Variants in TNFRSF19 observed in about 807,000 individuals in gnomAD.
TNFRSF19 encodes the protein TNF receptor superfamily member 19.
A neutral mutation model predicts 46.4 loss-of-function variants in TNFRSF19; 27 were observed. The ratio of observed to expected loss-of-function variants is 0.58; its 90% CI spans 0.43 to 0.80. The LOEUF (loss-of-function observed/expected upper bound fraction) is 0.80. Ranked by LOEUF, TNFRSF19 falls within the 30% of genes least tolerant of loss-of-function variation. The pLI is 0.00. For synonymous variants in TNFRSF19, 204 were observed against 205.0 expected, an observed-to-expected ratio of 1.00 and a Z score of 0.04; for missense variants, 511 against 530.8, an observed-to-expected ratio of 0.96 and a Z score of 0.37.
intron 3 of TNFRSF19, among the ~76,000 whole-genome samples, chr13:23,610,783 A>G (rs1323119543): frequency 2.6e-5 from 4 of 152,094 alleles, no homozygotes; most frequent in Non-Finnish European, 5.9e-5. Flanking sequence ...ATATGATTTT[A>G]GGAAGTAAGT....
chr13:23,605,207 A>G (rs1181494848), intron 3 of TNFRSF19, among the ~76,000 whole-genome samples: 1 of 152,250 alleles, frequency 6.6e-6, no homozygotes, highest in Non-Finnish European at 1.5e-5. Flanking sequence ...GCATATGAAA[A>G]GATCCTCCAT....
intron 7 of TNFRSF19, among the ~76,000 whole-genome samples, chr13:23,666,856 C>T (rs1459567875): frequency 6.6e-6 from 1 of 152,044 alleles, no homozygotes; most frequent in Non-Finnish European, 1.5e-5. Flanking sequence ...CACGGGCTTG[C>T]AATTGCATCT....
In TNFRSF19 at chr13:23,624,753, C is replaced by CT. The variant is rs1005209921; in HGVS notation, c.360-1940dup. 2.4e-3 allele frequency among the ~76,000 whole-genome samples: 348 copies of CT among 144,720 alleles called. 1 individual carries two copies. The highest frequency in any genetic ancestry group is 4.1e-3 in the African/African-American group (161 of 39,726). The allele number at this position is 144,720 out of a possible 152,430, so 94.9% of individuals were successfully genotyped here. A position where few individuals can be genotyped will look rare whatever the true frequency, so the allele number is the denominator to read the frequency against. On this transcript the variant is annotated intron_variant, in intron 4 of 9. Coordinates refer to ENST00000248484, the MANE Select transcript of TNFRSF19 (RefSeq NM_148957.4). ...TTTCATTGCAAATATATACACATAA[C>CT]TTTTTTTTTTTTTTGAGGTGGAGTT...
intron 5 of TNFRSF19, among the ~76,000 whole-genome samples, chr13:23,651,059 C>G (rs1048297578): frequency 2.6e-5 from 4 of 152,154 alleles, no homozygotes; most frequent in Admixed American, 6.5e-5. Flanking sequence ...CAAGATAAAG[C>G]TTACACTTCA....
intron 9 of TNFRSF19, among the ~76,000 whole-genome samples, chr13:23,671,177 C>G (rs948984863): frequency 6.6e-6 from 1 of 152,064 alleles, no homozygotes; most frequent in Non-Finnish European, 1.5e-5. Context: ...CTTACTAACT[C>G]TTTTTCAAAG....
At chr13:23,589,534 C>T (rs958632296) in intron 1 of TNFRSF19, among the ~76,000 whole-genome samples, 2 of 152,136 alleles carry the variant, frequency 1.3e-5, no homozygotes, top group African/African-American at 2.4e-5. Context: ...TCTGTCAGGG[C>T]GTATGTGACA....
intron 3 of TNFRSF19, among the ~76,000 whole-genome samples, chr13:23,614,595 G>A (rs1881131569): frequency 6.6e-6 from 1 of 152,102 alleles, no homozygotes; most frequent in African/African-American, 2.4e-5. Flanking sequence ...GGCATGCCCA[G>A]CCTGCTGCCT....
intron 5 of TNFRSF19, among the ~76,000 whole-genome samples, chr13:23,653,724 AGGT>A (rs1883796125): frequency 6.6e-6 from 1 of 152,186 alleles, no homozygotes. Context: ...ATCCATGTGG[AGGT>A]GCCAAGTAGG....
At chr13:23,595,074 AG>A (rs1352585931) in intron 3 of TNFRSF19, among the ~76,000 whole-genome samples, 3 of 152,054 alleles carry the variant, frequency 2.0e-5, no homozygotes, top group Non-Finnish European at 4.4e-5. Flanking sequence ...ATCAACAAAA[AG>A]GGCATCTACA....
At chr13:23,624,225 A>G (rs1380724330) in intron 4 of TNFRSF19, among the ~76,000 whole-genome samples, 3 of 152,078 alleles carry the variant, frequency 2.0e-5, no homozygotes, top group Non-Finnish European at 2.9e-5. Context: ...TCTCTTGTCT[A>G]TTCCACTGGT....
chr13:23,668,557 A>G, intron 8 of TNFRSF19, 135 bp from the exon 9 acceptor site: 2 of 1,080,968 alleles, frequency 1.9e-6, no homozygotes, highest in South Asian at 1.7e-5. Context: ...GTTTATAACA[A>G]TAGGAAACAC....
At chr13:23,571,497 A>G (rs1024655602) in intron 1 of TNFRSF19, among the ~76,000 whole-genome samples, 6 of 152,340 alleles carry the variant, frequency 3.9e-5, no homozygotes, top group African/African-American at 1.2e-4. Flanking sequence ...GTGATTTTCT[A>G]TAACCTTTGG....
intron 1 of TNFRSF19, among the ~76,000 whole-genome samples, chr13:23,579,982 G>C (rs1878287862): frequency 6.6e-6 from 1 of 152,242 alleles, no homozygotes; most frequent in Non-Finnish European, 1.5e-5. Flanking sequence ...CCAGCGGCGG[G>C]AGAGCGTTGT....
At position 23,668,736 on chromosome 13, in the gene TNFRSF19, C is replaced by T; in HGVS notation, c.884C>T (p.Ser295Phe). The change falls in exon 9 of 10, where the codon TCC becomes TTC. Residue 295 changes from serine (S) to phenylalanine (F), a missense_variant. By Grantham distance (155) the Ser-to-Phe change is radical. Coordinates refer to ENST00000248484, the MANE Select transcript of TNFRSF19 (RefSeq NM_148957.4). ...AGEMVPTFFG[S>F]LTQSICGEFS... The stretch of plus-strand genomic sequence containing the variant: ...GAGATGGTGCCGACTTTCTTCGGAT[C>T]CCTCACGCAGTCCATCTGTGGCGAG... 1 of 1,614,202 alleles carries T rather than the reference C, an allele frequency of 6.2e-7. No homozygotes were observed. Among genetic ancestry groups the T allele is most frequent in the Non-Finnish European group, 8.5e-7 (1 of 1,180,008 alleles).
chr13:23,607,464 A>G (rs1047692726), intron 3 of TNFRSF19, among the ~76,000 whole-genome samples: 1 of 152,102 alleles, frequency 6.6e-6, no homozygotes, highest in African/African-American at 2.4e-5. Flanking sequence ...TTGGAGGGAT[A>G]CCTTTTAATT....
At chr13:23,649,922 A>G (rs189969678) in intron 5 of TNFRSF19, among the ~76,000 whole-genome samples, 1 of 152,240 alleles carries the variant, frequency 6.6e-6, no homozygotes, top group Non-Finnish European at 1.5e-5. Context: ...GCTACTTTGT[A>G]TGATTTCTGT....
At chr13:23,638,822 T>G (rs2078590571) in intron 5 of TNFRSF19, among the ~76,000 whole-genome samples, 1 of 152,162 alleles carries the variant, frequency 6.6e-6, no homozygotes, top group African/African-American at 2.4e-5. Flanking sequence ...CGCTGCGGGT[T>G]CCTGTCCCTG....
At chr13:23,660,786 TG>T (rs1487028778) in intron 7 of TNFRSF19, among the ~76,000 whole-genome samples, 1 of 152,206 alleles carries the variant, frequency 6.6e-6, no homozygotes, top group Non-Finnish European at 1.5e-5. Context: ...CGGTAACCTT[TG>T]GTAGAGTAGG....
At chr13:23,591,986 A>G (rs1371140350) in intron 2 of TNFRSF19, among the ~76,000 whole-genome samples, 2 of 152,018 alleles carry the variant, frequency 1.3e-5, no homozygotes, top group African/African-American at 2.4e-5. Flanking sequence ...GGGCCTTCCA[A>G]GGTGCTAGGA....
Sources: allele counts gnomAD v4.1 joint callset (sites outside exome capture counted in the v4.1 genomes callset), GRCh38; gene constraint gnomAD v4.1.1; transcripts MANE v1.5; gene names NCBI Gene and HGNC (gene_info 2026-07-23, HGNC 2026-07-21).